PIEZO2: variants seen among roughly 807,000 people sequenced by gnomAD.
PIEZO2 encodes piezo type mechanosensitive ion channel component 2.
PIEZO2 carries 172 observed loss-of-function variants against 337.3 expected under a neutral mutation model. That is an observed-to-expected ratio of 0.51 (90% confidence interval 0.45 to 0.58). PIEZO2 has a LOEUF of 0.58. Among genes scored for constraint, PIEZO2 ranks in the 20% least tolerant of loss-of-function variants. PIEZO2 has a pLI of 0.00. For synonymous variants in PIEZO2, 1,251 were observed against 1,228.5 expected, an observed-to-expected ratio of 1.02 and a Z score of -0.38; for missense variants, 3,028 against 3,391.3, an observed-to-expected ratio of 0.89 and a Z score of 2.66.
intron 37 of PIEZO2, 90 bp from the exon 38 acceptor site, chr18:10,715,906 G>A (rs1238779374): frequency 9.1e-7 from 1 of 1,104,290 alleles, no homozygotes; most frequent in Non-Finnish European, 1.3e-6. Context: ...ACCAAAGCTG[G>A]ACCTGGCTCT....
intron 2 of PIEZO2, among the ~76,000 whole-genome samples, chr18:10,999,052 C>A (rs2035439569): frequency 6.6e-6 from 1 of 151,920 alleles, no homozygotes; most frequent in Non-Finnish European, 1.5e-5. Context: ...TGTGGAGGAT[C>A]CATGGTTCTT....
rs758019501 is a variant in PIEZO2 at position 10,972,914 on chromosome 18, C to T, written c.286+6621G>A. ...GGGCATGGCCTATATTAACTCGAACCTCACAAAAACCTATGAGATGATAGC... is the reference window on the plus strand; with the variant it reads ...GGGCATGGCCTATATTAACTCGAACTTCACAAAAACCTATGAGATGATAGC... On this transcript the variant is annotated intron_variant, in intron 3 of 55. Transcript: ENST00000674853. Among the ~76,000 whole-genome samples the T allele has an allele frequency of 6.6e-4, 101 of 152,130 alleles. 3 individuals are homozygous for T. The highest frequency in any genetic ancestry group is 2.0e-4 in the Admixed American group (3 of 15,284).
Position 10,773,692 on chromosome 18 carries a change from G to C in PIEZO2, c.2568-63C>G. The C allele has an allele frequency of 1.4e-6, 2 of 1,427,130 alleles. No individual in the cohort carries two copies. The highest frequency in any genetic ancestry group is 2.5e-5 in the South Asian group (2 of 81,480). The allele number at this position is 1,427,130 out of a possible 1,614,324, so 88.4% of individuals were successfully genotyped here. A position where few individuals can be genotyped will look rare whatever the true frequency, so the allele number is the denominator to read the frequency against. ...GTGTTGGGAGAGATTTGACTGAGGG[G>C]CAAGTAAAAGGAGGATAAACACAAA... is the stretch of plus-strand genomic sequence containing the variant. On this transcript the variant is annotated intron_variant, in intron 19 of 55. Transcript: ENST00000674853. This position sits in a 1 kb window ranked among gnomAD's most constrained non-coding sequence, Gnocchi z 5.3.
Position 10,993,816 on chromosome 18 carries a change from C to G in PIEZO2, c.161-14156G>C, listed in dbSNP as rs984239642. On this transcript the variant is annotated intron_variant, in intron 2 of 55. Coordinates refer to ENST00000674853, the MANE Select transcript of PIEZO2 (RefSeq NM_001378183.1). The surrounding 1 kb of genome is among the most constrained non-coding windows in gnomAD (Gnocchi z 5.0). ...TGCTGGGATTACAGGCGTGAGCCAC[C>G]GCTCCTGGCCATGTCTCTGCTTTTT... is the stretch of plus-strand genomic sequence containing the variant. Among the ~76,000 whole-genome samples the G allele has an allele frequency of 6.6e-6, 1 of 152,078 alleles. No homozygotes were observed. The highest frequency in any genetic ancestry group is 1.5e-5 in the Non-Finnish European group (1 of 68,018).
chr18:10,721,848 C>A (rs1351921035), intron 36 of PIEZO2, among the ~76,000 whole-genome samples: 1 of 152,164 alleles, frequency 6.6e-6, no homozygotes, highest in Non-Finnish European at 1.5e-5. Context: ...TAGATCTCCA[C>A]TTCATAGAAT....
intron 3 of PIEZO2, among the ~76,000 whole-genome samples, chr18:10,913,689 T>C (rs984637750): frequency 3.9e-5 from 6 of 152,118 alleles, no homozygotes; most frequent in Non-Finnish European, 8.8e-5. Context: ...TTCTGCGAAA[T>C]GTAAACTTAT....
Position 10,815,415 on chromosome 18 carries a change from T to C in PIEZO2, c.918-8141A>G, listed in dbSNP as rs1199639568. On this transcript the variant is annotated intron_variant, in intron 7 of 55. Coordinates refer to ENST00000674853, the MANE Select transcript of PIEZO2 (RefSeq NM_001378183.1). The surrounding 1 kb of genome is among the most constrained non-coding windows in gnomAD (Gnocchi z 4.1). ...AATTTCCTCATTTGGAAAATGAGGC[T>C]AGTAAATAACGTATCTCAAAGAGGT... Among the ~76,000 whole-genome samples, 2 of 152,188 alleles carry C rather than the reference T, an allele frequency of 1.3e-5. No homozygotes were observed. The highest frequency in any genetic ancestry group is 4.8e-5 in the African/African-American group (2 of 41,450).
chr18:10,691,936 C>CTGGAAA (rs2034867410), intron 47 of PIEZO2, among the ~76,000 whole-genome samples: 1 of 151,498 alleles, frequency 6.6e-6, no homozygotes, highest in Non-Finnish European at 1.5e-5. Context: ...GGATTTGGTT[C>CTGGAAA]CAGTTCTGTC....
chr18:11,075,145 G>T (rs962436716), intron 1 of PIEZO2, among the ~76,000 whole-genome samples: 1 of 152,166 alleles, frequency 6.6e-6, no homozygotes, highest in Non-Finnish European at 1.5e-5. Context: ...ACTTTAAAAC[G>T]AACTGACAAA....
chr18:10,998,337 TACACACACACACATACACATACACAC>T (rs2035403582), intron 2 of PIEZO2, among the ~76,000 whole-genome samples: 1 of 134,998 alleles, frequency 7.4e-6, no homozygotes, highest in Non-Finnish European at 1.6e-5. Flanking sequence ...GATATTTGTT[TACACACACACACATACACATACACAC>T]ACACACACAC....
intron 13 of PIEZO2, among the ~76,000 whole-genome samples, chr18:10,792,348 T>C (rs1487851857): frequency 2.6e-5 from 4 of 152,236 alleles, no homozygotes; most frequent in East Asian, 1.9e-4. Context: ...TTTAGTATAT[T>C]CACGGAGTTG....
intron 21 of PIEZO2, among the ~76,000 whole-genome samples, chr18:10,765,750 T>C (rs991508556): frequency 1.5e-5 from 1 of 67,048 alleles, no homozygotes; most frequent in Non-Finnish European, 3.1e-5. Context: ...AGTCCTGTGC[T>C]TGTGAGCTCG....
rs1012461415 is a variant in PIEZO2, at chr18:11,001,020, C to T, written c.161-21360G>A. On this transcript the variant is annotated intron_variant, in intron 2 of 55. Coordinates refer to ENST00000674853, the MANE Select transcript of PIEZO2 (RefSeq NM_001378183.1). The surrounding 1 kb of genome is among the most constrained non-coding windows in gnomAD (Gnocchi z 5.3). Reference sequence around the variant, plus strand: ...AGTGTTACCTGGGCAAGACAGCTTCCTACAGTTAAAGGCAATTATTGGAAA... The same window carrying T: ...AGTGTTACCTGGGCAAGACAGCTTCTTACAGTTAAAGGCAATTATTGGAAA... Among the ~76,000 whole-genome samples, 54 of 152,156 alleles carry T rather than the reference C, an allele frequency of 3.5e-4. No homozygotes were observed. Among genetic ancestry groups the T allele is most frequent in the African/African-American group, 1.2e-3 (48 of 41,448 alleles).
At chr18:10,992,179 T>C (rs1330621353) in intron 2 of PIEZO2, among the ~76,000 whole-genome samples, 1 of 152,226 alleles carries the variant, frequency 6.6e-6, no homozygotes, top group Non-Finnish European at 1.5e-5. Context: ...ATTCTGTAGG[T>C]TGCCTGTTCA....
At position 10,671,398 on chromosome 18, in the gene PIEZO2, T is replaced by C. The variant is rs1042269939; in HGVS notation, c.*129A>G. On this transcript the variant is annotated 3_prime_UTR_variant, in exon 56 of 56. Transcript: ENST00000674853. The stretch of plus-strand genomic sequence containing the variant: ...TTTACTGCAGAAGGATATCAGCTCC[T>C]TTTGTCTACCTATCAGAAGAGAAAC... The C allele has an allele frequency of 1.7e-5, 17 of 1,027,628 alleles. No homozygotes were observed. Among genetic ancestry groups the C allele is most frequent in the Non-Finnish European group, 1.9e-5 (14 of 734,724 alleles). The allele number at this position is 1,027,628 out of a possible 1,614,324, so 63.7% of individuals were successfully genotyped here.
rs1017032503 is a variant in PIEZO2, at chr18:11,128,542, T to C, written c.64+19983A>G. Among the ~76,000 whole-genome samples the C allele has an allele frequency of 6.6e-6, 1 of 152,120 alleles. No homozygotes were observed. Among genetic ancestry groups the C allele is most frequent in the African/African-American group, 2.4e-5 (1 of 41,408 alleles). ...TTTGCCAGAAGGAACAGCTTCCCCA[T>C]CCCCAGTAGCGGCAACATCCCTTCC... On this transcript the variant is annotated intron_variant, in intron 1 of 55. Coordinates refer to ENST00000674853, the MANE Select transcript of PIEZO2 (RefSeq NM_001378183.1). This position sits in a 1 kb window ranked among gnomAD's most constrained non-coding sequence, Gnocchi z 4.1.
Position 10,763,044 on chromosome 18 carries a change from C to A in PIEZO2, c.3001G>T (p.Ala1001Ser). 2 of 1,537,318 alleles carry A rather than the reference C, an allele frequency of 1.3e-6. No individual in the cohort carries two copies. The highest frequency in any genetic ancestry group is 1.7e-6 in the Non-Finnish European group (2 of 1,146,914). Residue 1001 changes from alanine (A) to serine (S), a missense_variant, in exon 22 of 56, where the codon GCC becomes TCC. Physicochemically the swap from Ala to Ser is moderately conservative, Grantham distance 99. This residue lies in a region of PIEZO2 where 1,925 missense variants were observed against 2,051.9 expected (regional missense o/e 0.94). Coordinates refer to ENST00000674853, the MANE Select transcript of PIEZO2 (RefSeq NM_001378183.1). ...CTTGAAGCCAGACGGCGCAGCTTGG[C>A]GTACGGCAGAGCAAAAGCCCAAGAA... is the stretch of plus-strand genomic sequence containing the variant. ...LISWAFALPY[A>S]KLRRLASSVC...
chr18:10,934,555 C>T (rs996663293), intron 3 of PIEZO2, among the ~76,000 whole-genome samples: 11 of 151,832 alleles, frequency 7.2e-5, no homozygotes, highest in East Asian at 1.9e-4. Flanking sequence ...TAAGGAATTT[C>T]GACTGATCTC....
intron 27 of PIEZO2, among the ~76,000 whole-genome samples, chr18:10,753,259 T>A (rs2037713669): frequency 6.6e-6 from 1 of 152,246 alleles, no homozygotes; most frequent in South Asian, 2.1e-4. Flanking sequence ...TAAGAATGGA[T>A]GAACTAGAAG....
Sources: allele counts gnomAD v4.1 joint callset (sites outside exome capture counted in the v4.1 genomes callset), GRCh38; gene constraint gnomAD v4.1.1; regional missense constraint gnomAD v4.1.1; non-coding constraint Gnocchi (gnomAD v3.1); transcripts MANE v1.5; gene names NCBI Gene and HGNC (gene_info 2026-07-23, HGNC 2026-07-21).